NCOA2: variants seen among roughly 807,000 people sequenced by gnomAD.
NCOA2 encodes nuclear receptor coactivator 2.
Under a neutral mutation model 145.1 loss-of-function variants are expected in NCOA2, and 21 were observed. The observed-to-expected ratio is 0.14, with a 90% CI of 0.10 to 0.21. The LOEUF (loss-of-function observed/expected upper bound fraction) is 0.21. Among genes scored for constraint, NCOA2 ranks in the 10% least tolerant of loss-of-function variants. The pLI is 1.00. For missense variants in NCOA2, 1,472 were observed against 1,837.6 expected (o/e 0.80, Z 3.64); for synonymous variants, 619 against 637.5 (o/e 0.97, Z 0.44).
the NCOA2 span, among the ~76,000 whole-genome samples, chr8:70,448,665 G>A: frequency 2.0e-5 from 3 of 152,102 alleles, no homozygotes; most frequent in East Asian, 3.9e-4. Context: ...CACTTACATC[G>A]CATGATGTAG....
chr8:70,334,957 C>G (rs1400936037), intron 1 of NCOA2, among the ~76,000 whole-genome samples: 1 of 151,410 alleles, frequency 6.6e-6, no homozygotes, highest in Non-Finnish European at 1.5e-5. Context: ...AACCCTATCT[C>G]TACAAAAATA....
intron 2 of NCOA2, among the ~76,000 whole-genome samples, chr8:70,245,610 C>T (rs889467825): frequency 6.6e-6 from 1 of 152,004 alleles, no homozygotes. Flanking sequence ...ATGCAATGTA[C>T]ACATGCACTC....
intron 1 of NCOA2, among the ~76,000 whole-genome samples, chr8:70,346,308 T>C (rs1057444551): frequency 2.6e-5 from 4 of 152,324 alleles, no homozygotes; most frequent in Non-Finnish European, 5.9e-5. Context: ...TTAATAACTG[T>C]TTGCAGCCAC....
Position 70,368,220 on chromosome 8 carries a change from C to T in NCOA2, c.-77+35480G>A, listed in dbSNP as rs137933545. ...TCTATGCTGTAAAGCATATATAGGACGTGGACAGAAAGAAAGACAAAGAGA... is the reference window on the plus strand; with the variant it reads ...TCTATGCTGTAAAGCATATATAGGATGTGGACAGAAAGAAAGACAAAGAGA... On this transcript the variant is annotated intron_variant, in intron 1 of 22. Transcript: ENST00000452400. Among the ~76,000 whole-genome samples the T allele has an allele frequency of 3.2e-3, 492 of 152,238 alleles. 3 individuals are homozygous for T. Among genetic ancestry groups the T allele is most frequent in the African/African-American group, 0.011 (465 of 41,526 alleles).
intron 1 of NCOA2, among the ~76,000 whole-genome samples, chr8:70,400,263 G>C (rs182392861): frequency 1.8e-4 from 27 of 152,174 alleles, no homozygotes; most frequent in Admixed American, 1.6e-3. Flanking sequence ...AAAAGTCAAA[G>C]AACTCCTCTG....
chr8:70,218,823 C>G (rs906173140), intron 2 of NCOA2, among the ~76,000 whole-genome samples: 1 of 152,046 alleles, frequency 6.6e-6, no homozygotes, highest in Admixed American at 6.5e-5. Flanking sequence ...TACAATATAG[C>G]CTTCAATATA....
the NCOA2 span, among the ~76,000 whole-genome samples, chr8:70,428,373 T>A: frequency 6.6e-6 from 1 of 152,142 alleles, no homozygotes; most frequent in Admixed American, 6.5e-5. Context: ...GGCGGGAGGA[T>A]CCCTTGAGCC....
At chr8:70,337,462 C>T (rs1007621932) in intron 1 of NCOA2, among the ~76,000 whole-genome samples, 3 of 152,052 alleles carry the variant, frequency 2.0e-5, no homozygotes, top group Admixed American at 1.3e-4. Flanking sequence ...TGCTGAGACT[C>T]GAATAGTGAT....
intron 22 of NCOA2, among the ~76,000 whole-genome samples, chr8:70,115,912 C>A (rs181542307): frequency 6.7e-6 from 1 of 149,340 alleles, no homozygotes; most frequent in East Asian, 2.0e-4. Flanking sequence ...CAGGGCCAGG[C>A]GCAGTGGCTC....
intron 2 of NCOA2, among the ~76,000 whole-genome samples, chr8:70,278,165 T>C (rs918582473): frequency 4.6e-5 from 7 of 152,238 alleles, no homozygotes; most frequent in Admixed American, 3.9e-4. Context: ...ATACAATATA[T>C]GGCCTTTATG....
In NCOA2 at chr8:70,287,897, C is replaced by T. The variant is rs144621923; in HGVS notation, c.-20+8847G>A. 6.6e-3 allele frequency among the ~76,000 whole-genome samples: 1,012 copies of T among 152,222 alleles called. 5 individuals carry two copies. Among genetic ancestry groups the T allele is most frequent in the Non-Finnish European group, 8.9e-3 (604 of 68,012 alleles). On this transcript the variant is annotated intron_variant, in intron 2 of 22. Transcript: ENST00000452400. ...GCCTGAAACTTTATTTTGAAAATTACTAGTTAATTCTTTTTTGGCTTTCTC... is the reference window on the plus strand; with the variant it reads ...GCCTGAAACTTTATTTTGAAAATTATTAGTTAATTCTTTTTTGGCTTTCTC...
intron 1 of NCOA2, among the ~76,000 whole-genome samples, chr8:70,379,926 A>G (rs1812044178): frequency 6.6e-6 from 1 of 152,142 alleles, no homozygotes; most frequent in Non-Finnish European, 1.5e-5. Flanking sequence ...GTTTTCTCAC[A>G]TTAAATTTCC....
At chr8:70,172,490 G>C (rs1006680522) in intron 5 of NCOA2, among the ~76,000 whole-genome samples, 12 of 152,130 alleles carry the variant, frequency 7.9e-5, no homozygotes, top group Non-Finnish European at 1.8e-4. Flanking sequence ...ACCAGAGAAA[G>C]GTTCACCCAT....
At chr8:70,192,834 G>A (rs60000072) in intron 4 of NCOA2, among the ~76,000 whole-genome samples, 3,564 of 151,962 alleles carry the variant, frequency 0.023, 140 homozygotes, top group African/African-American at 0.081. Flanking sequence ...TTTGGGAGGC[G>A]GAGGCGGGCA....
chr8:70,261,116 G>GT (rs1178988925), intron 2 of NCOA2, among the ~76,000 whole-genome samples: 2 of 152,170 alleles, frequency 1.3e-5, no homozygotes, highest in Non-Finnish European at 2.9e-5. Flanking sequence ...ATACCCAAAG[G>GT]ATTATAAATC....
intron 22 of NCOA2, among the ~76,000 whole-genome samples, chr8:70,114,802 G>A (rs984794404): frequency 6.6e-6 from 1 of 152,206 alleles, no homozygotes; most frequent in African/African-American, 2.4e-5. Context: ...TAGAGAGGAA[G>A]CCAGCTCCAA....
chr8:70,436,305 A>G, the NCOA2 span, among the ~76,000 whole-genome samples: 2 of 152,132 alleles, frequency 1.3e-5, no homozygotes, highest in Non-Finnish European at 2.9e-5. Flanking sequence ...ATTTTTTCCA[A>G]ATTTTTAGTA....
chr8:70,434,156 G>C, the NCOA2 span, among the ~76,000 whole-genome samples: 1 of 152,122 alleles, frequency 6.6e-6, no homozygotes, highest in African/African-American at 2.4e-5. Context: ...CAAAATAATA[G>C]GGAAAGTGCC....
chr8:70,291,926 C>T (rs1467689162), intron 2 of NCOA2, among the ~76,000 whole-genome samples: 2 of 151,706 alleles, frequency 1.3e-5, no homozygotes, highest in Non-Finnish European at 2.9e-5. Context: ...GGTGAAACCC[C>T]GTAGCCGGGT....
Sources: gnomAD v4.1 joint callset for allele counts (sites outside exome capture counted in the v4.1 genomes callset) on GRCh38, gnomAD v4.1.1 for gene constraint, MANE v1.5 for transcripts, NCBI Gene and HGNC (gene_info 2026-07-23, HGNC 2026-07-21) for gene names.